The following TPRG1 variants were observed in gnomAD, a reference collection of about 807,000 sequenced individuals.
TPRG1 encodes tumor protein p63 regulated 1.
Under a neutral mutation model 29.3 loss-of-function variants are expected in TPRG1, and 29 were observed. The observed-to-expected ratio is 0.99, with a 90% CI of 0.74 to 1.35. The LOEUF (loss-of-function observed/expected upper bound fraction) is 1.35. TPRG1 is among the 40% of genes most tolerant of loss of function. The probability of loss-of-function intolerance (pLI) is 0.00; values close to 1 mark genes in which losing one functional copy is unlikely to be tolerated. For missense variants in TPRG1, 327 were observed against 335.0 expected, an observed-to-expected ratio of 0.98 and a Z score of 0.19; for synonymous variants, 130 against 116.8, an observed-to-expected ratio of 1.11 and a Z score of -0.73.
chr3:189,282,964 C>G (rs1717413202), intron 4 of TPRG1, among the ~76,000 whole-genome samples: 1 of 152,210 alleles, frequency 6.6e-6, no homozygotes, highest in African/African-American at 2.4e-5. Flanking sequence ...GCTCTGCAAC[C>G]TTGCATGCTG....
At chr3:189,066,866 G>A (rs570184446) in intron 4 of TPRG1, among the ~76,000 whole-genome samples, 1 of 152,156 alleles carries the variant, frequency 6.6e-6, no homozygotes, top group East Asian at 1.9e-4. Flanking sequence ...AATTTGAGAG[G>A]AAGAAGTCAA....
intron 1 of TPRG1, among the ~76,000 whole-genome samples, chr3:189,179,893 T>C (rs1345680742): frequency 1.3e-5 from 2 of 152,194 alleles, no homozygotes; most frequent in Non-Finnish European, 2.9e-5. Context: ...ACCATATTAG[T>C]CCTTTTTCAC....
At chr3:189,138,961 T>C (rs1460471785) in intron 3 of TPRG1, among the ~76,000 whole-genome samples, 2 of 152,082 alleles carry the variant, frequency 1.3e-5, no homozygotes, top group East Asian at 1.9e-4. Flanking sequence ...AAGGTGTTTG[T>C]ACTCAGACAG....
chr3:189,272,281 T>G (rs1005509623), intron 4 of TPRG1, among the ~76,000 whole-genome samples: 1 of 152,216 alleles, frequency 6.6e-6, no homozygotes, highest in Non-Finnish European at 1.5e-5. Flanking sequence ...TATAGTGGGC[T>G]TCACAGCATT....
At chr3:189,139,661 T>C (rs1487110493) in intron 3 of TPRG1, among the ~76,000 whole-genome samples, 1 of 151,128 alleles carries the variant, frequency 6.6e-6, no homozygotes, top group Admixed American at 6.6e-5. Flanking sequence ...TTCTATCAGC[T>C]GAAGGATTTT....
At chr3:189,192,513 T>C (rs535102905) in intron 1 of TPRG1, among the ~76,000 whole-genome samples, 1 of 152,328 alleles carries the variant, frequency 6.6e-6, no homozygotes, top group African/African-American at 2.4e-5. Flanking sequence ...TAGTACTCAG[T>C]AGGCAAAAAT....
At chr3:189,287,933 T>C (rs949837640) in intron 4 of TPRG1, among the ~76,000 whole-genome samples, 8 of 152,256 alleles carry the variant, frequency 5.3e-5, no homozygotes, top group African/African-American at 1.9e-4. Context: ...GAAATGACTT[T>C]ATCACCCAAC....
At chr3:189,229,167 C>T (rs1035691973) in intron 3 of TPRG1, among the ~76,000 whole-genome samples, 3 of 151,918 alleles carry the variant, frequency 2.0e-5, no homozygotes, top group Non-Finnish European at 4.4e-5. Context: ...ATTGGAAGAC[C>T]CAACATAGTA....
intron 4 of TPRG1, among the ~76,000 whole-genome samples, chr3:189,045,652 A>G (rs1348833838): frequency 6.6e-6 from 1 of 152,248 alleles, no homozygotes; most frequent in African/African-American, 2.4e-5. Flanking sequence ...AGTGGTAGCT[A>G]TTTTAATCAT....
chr3:189,294,828 A>G (rs1012585405), intron 4 of TPRG1, among the ~76,000 whole-genome samples: 3 of 149,022 alleles, frequency 2.0e-5, no homozygotes, highest in African/African-American at 7.6e-5. Context: ...ACACACACAC[A>G]GCGCGCAAGC....
At chr3:189,262,348 G>A (rs1056518481) in intron 4 of TPRG1, among the ~76,000 whole-genome samples, 2 of 152,106 alleles carry the variant, frequency 1.3e-5, no homozygotes, top group African/African-American at 4.8e-5. Context: ...GGGACAGATA[G>A]TAAGCCTACC....
chr3:189,112,756 C>G (rs1366147340), intron 1 of TPRG1, among the ~76,000 whole-genome samples: 1 of 152,084 alleles, frequency 6.6e-6, no homozygotes, highest in Non-Finnish European at 1.5e-5. Flanking sequence ...GGTACCAGTA[C>G]CATGCTGTTT....
chr3:189,193,681 A>T (rs1584575), intron 1 of TPRG1, among the ~76,000 whole-genome samples: 98,128 of 149,160 alleles, frequency 0.66, 33,195 homozygotes, highest in African/African-American at 0.83. Context: ...TTCTTCTGCT[A>T]GATCAAGTCT....
intron 4 of TPRG1, among the ~76,000 whole-genome samples, chr3:189,299,791 G>A (rs1036455844): frequency 6.6e-6 from 1 of 152,072 alleles, no homozygotes; most frequent in Non-Finnish European, 1.5e-5. Context: ...TTAGTATATA[G>A]AATAATTTCA....
intron 5 of TPRG1, among the ~76,000 whole-genome samples, chr3:189,160,034 TGGTGGATGGTGTGTG>T (rs1727263144): frequency 6.6e-6 from 1 of 151,942 alleles, no homozygotes; most frequent in South Asian, 2.1e-4. Flanking sequence ...AGGCCTTGTA[TGGTGGATGGTGTGTG>T]GGTGGTCGGG....
chr3:189,322,184 T>TAA lies in TPRG1; in HGVS notation c.*1365_*1366dup, dbSNP rs1456775443. On this transcript the variant is annotated 3_prime_UTR_variant, in exon 6 of 6. Transcript: ENST00000345063. ...AAATTGACACATCTTTGTTGATGTT[T>TAA]AAGTTGAAATTCCAGCCAACTTTTT... 3 of 152,114 alleles carry TAA rather than the reference T, an allele frequency of 2.0e-5. No individual in the cohort carries two copies. The East Asian group carries it at 5.8e-4, about 29-fold the overall frequency. The allele number at this position is 152,114 out of a possible 1,614,324, so 9.4% of individuals were successfully genotyped here.
chr3:189,154,472 T>C (rs111697529), intron 5 of TPRG1, among the ~76,000 whole-genome samples: 2,375 of 151,700 alleles, frequency 0.016, 54 homozygotes, highest in African/African-American at 0.055. Flanking sequence ...CATGGAGTCT[T>C]GCACTGTCAC....
chr3:189,278,067 C>A (rs1716469781), intron 4 of TPRG1, among the ~76,000 whole-genome samples: 2 of 152,160 alleles, frequency 1.3e-5, no homozygotes, highest in South Asian at 4.1e-4. Flanking sequence ...GCTGATCAAC[C>A]CTCTTTCCAG....
chr3:189,222,353 A>C (rs1737069944), intron 3 of TPRG1, among the ~76,000 whole-genome samples: 1 of 152,200 alleles, frequency 6.6e-6, no homozygotes, highest in Non-Finnish European at 1.5e-5. Flanking sequence ...AAAAAACTGG[A>C]AATCAGAGAT....
Sources: gnomAD v4.1 joint callset for allele counts (sites outside exome capture counted in the v4.1 genomes callset) on GRCh38, gnomAD v4.1.1 for gene constraint, MANE v1.5 for transcripts, NCBI Gene and HGNC (gene_info 2026-07-23, HGNC 2026-07-21) for gene names.